Variants in PHLDB2 observed in about 807,000 individuals in gnomAD.
PHLDB2 encodes pleckstrin homology like domain family B member 2.
A neutral mutation model predicts 123.6 loss-of-function variants in PHLDB2; 71 were observed. That is an observed-to-expected ratio of 0.57 (90% CI 0.47 to 0.70). The LOEUF (loss-of-function observed/expected upper bound fraction) is 0.70. Among genes scored for constraint, PHLDB2 ranks in the 30% least tolerant of loss-of-function variants. The probability of loss-of-function intolerance (pLI) is 0.00; values close to 1 mark genes in which losing one functional copy is unlikely to be tolerated. For synonymous variants in PHLDB2, 547 were observed against 541.6 expected, an observed-to-expected ratio of 1.01 and a Z score of -0.14; for missense variants, 1,446 against 1,519.5, an observed-to-expected ratio of 0.95 and a Z score of 0.80.
chr3:111,961,737 TTGTCACTAGGAGGCA>T (rs2071424115), intron 12 of PHLDB2, among the ~76,000 whole-genome samples: 1 of 152,216 alleles, frequency 6.6e-6, no homozygotes, highest in Admixed American at 6.5e-5. Context: ...CTGGTTTTGC[TTGTCACTAGGAGGCA>T]TCTTATTTTC....
chr3:111,846,006 T>G, intron 2 of PHLDB2: 2 of 1,475,150 alleles, frequency 1.4e-6, no homozygotes, highest in East Asian at 2.3e-5. Flanking sequence ...ATATTGGGAA[T>G]GAGCTGGCAT....
intron 2 of PHLDB2, among the ~76,000 whole-genome samples, chr3:111,900,459 T>C (rs1011108870): frequency 6.6e-6 from 1 of 152,172 alleles, no homozygotes; most frequent in Non-Finnish European, 1.5e-5. Context: ...ATTTCAATAT[T>C]GTGTCTTAGG....
In PHLDB2 at chr3:111,920,276, C is replaced by T; in HGVS notation, c.1864-6C>T. 3.1e-6 allele frequency: 5 copies of T among 1,612,418 alleles called. No homozygotes were observed. The highest frequency in any genetic ancestry group is 2.2e-5 in the East Asian group (1 of 44,848). ...AACACTTCTGAGCTTTGGTTTGTGTCCTTAGTTGGATATGGAATGTGCTCT... is the reference window on the plus strand; with the variant it reads ...AACACTTCTGAGCTTTGGTTTGTGTTCTTAGTTGGATATGGAATGTGCTCT... On this transcript the variant is annotated splice_polypyrimidine_tract_variant and splice_region_variant and intron_variant, in intron 4 of 17. Transcript: ENST00000431670.
intron 1 of PHLDB2, chr3:111,859,899 C>CA: frequency 1.0e-6 from 1 of 985,500 alleles, no homozygotes; most frequent in Non-Finnish European, 1.2e-6. Context: ...TCCGGGGACA[C>CA]AGAGTTTCTT....
rs140221455 is a variant in PHLDB2, at chr3:111,752,219, A to ACTGTGTGTGTGT, written c.-49+19516_-49+19517insCTGTGTGTGTGT. ...TTTCTCTAGTCAGTGGAAGTTTCTA[A>ACTGTGTGTGTGT]GTGTGTGTGTGTGTGTGTGTGTCTG... is the stretch of plus-strand genomic sequence containing the variant. On this transcript the variant is annotated intron_variant, in intron 1 of 17. Coordinates refer to the PHLDB2 transcript ENST00000393923. Among the ~76,000 whole-genome samples, 3 of 146,982 alleles carry ACTGTGTGTGTGT rather than the reference A, an allele frequency of 2.0e-5. No homozygotes were observed. The East Asian group carries it at 6.0e-4, about 29-fold the overall frequency.
At chr3:111,844,654 T>C (rs1418090578) in intron 1 of PHLDB2, among the ~76,000 whole-genome samples, 2 of 152,254 alleles carry the variant, frequency 1.3e-5, no homozygotes, top group Non-Finnish European at 2.9e-5. Flanking sequence ...TTAAGGTTCA[T>C]TCTCCTTAAT....
intron 1 of PHLDB2, among the ~76,000 whole-genome samples, chr3:111,882,664 G>A (rs1480173249): frequency 1.3e-5 from 2 of 152,188 alleles, no homozygotes; most frequent in Admixed American, 6.5e-5. Context: ...TGGACAGTTG[G>A]GTACCTGGCC....
intron 2 of PHLDB2, among the ~76,000 whole-genome samples, chr3:111,904,277 C>CCAAAAAAAAA (rs538555039): frequency 4.6e-5 from 4 of 86,750 alleles, no homozygotes; most frequent in African/African-American, 1.6e-4. Context: ...GACCCTGTCT[C>CCAAAAAAAAA]AAAAAAAAAA....
chr3:111,822,385 T>C (rs1423732642), intron 1 of PHLDB2, among the ~76,000 whole-genome samples: 1 of 151,870 alleles, frequency 6.6e-6, no homozygotes. Context: ...ACTGTTTTCC[T>C]TGTGAAAATG....
chr3:111,827,395 G>T (rs1234511096), intron 1 of PHLDB2, among the ~76,000 whole-genome samples: 1 of 152,214 alleles, frequency 6.6e-6, no homozygotes, highest in Non-Finnish European at 1.5e-5. Context: ...GAAAGACCAG[G>T]CCGGGCGCGG....
intron 5 of PHLDB2, among the ~76,000 whole-genome samples, chr3:111,926,782 T>G (rs550678022): frequency 6.6e-6 from 1 of 152,146 alleles, no homozygotes; most frequent in South Asian, 2.1e-4. Flanking sequence ...ATCTGAAAAG[T>G]TTCATGGGGA....
chr3:111,909,904 G>A (rs1188725714), intron 2 of PHLDB2, among the ~76,000 whole-genome samples: 4 of 152,152 alleles, frequency 2.6e-5, no homozygotes, highest in African/African-American at 9.7e-5. Context: ...TTACACCTGT[G>A]CTTAAGTGTC....
chr3:111,926,355 TC>T (rs1258268126), intron 5 of PHLDB2, among the ~76,000 whole-genome samples: 2 of 152,216 alleles, frequency 1.3e-5, no homozygotes, highest in Non-Finnish European at 2.9e-5. Flanking sequence ...CCAGAATTCT[TC>T]AGCAAAGTGT....
rs373679896 is a variant in PHLDB2, at chr3:111,871,493, C to CAA, written c.-15+11928_-15+11929dup. ...CAAAAACCTGTTTCTACAAAAAGTA[C>CAA]AAAAAAAAAAAATAGCCAGGTGTGG... On this transcript the variant is annotated intron_variant, in intron 1 of 17. Coordinates refer to ENST00000431670, the MANE Select transcript of PHLDB2 (RefSeq NM_001134438.2). Among the ~76,000 whole-genome samples, 69 of 140,860 alleles carry CAA rather than the reference C, an allele frequency of 4.9e-4. 1 individual carries two copies. Among genetic ancestry groups the CAA allele is most frequent in the Admixed American group, 1.8e-3 (25 of 14,140 alleles). 92.4% of individuals were successfully genotyped at this position (140,860 alleles called of 152,430 possible). A position where few individuals can be genotyped will look rare whatever the true frequency, so the allele number is the denominator to read the frequency against.
At chr3:111,889,287 A>G (rs958865201) in intron 2 of PHLDB2, among the ~76,000 whole-genome samples, 23 of 152,352 alleles carry the variant, frequency 1.5e-4, no homozygotes, top group African/African-American at 5.5e-4. Flanking sequence ...TGTTTTTAAA[A>G]TGTATTTTTT....
intron 2 of PHLDB2, among the ~76,000 whole-genome samples, chr3:111,849,945 T>C (rs918953456): frequency 7.9e-5 from 12 of 151,548 alleles, no homozygotes; most frequent in Non-Finnish European, 1.5e-4. Context: ...CACTGCAAGC[T>C]CCGCCTCCCG....
intron 2 of PHLDB2, among the ~76,000 whole-genome samples, chr3:111,886,850 T>C (rs533550351): frequency 3.3e-5 from 5 of 152,350 alleles, no homozygotes; most frequent in African/African-American, 1.2e-4. Context: ...TGTTTGGGCT[T>C]GCTTCATTGA....
At chr3:111,914,029 TC>T in intron 3 of PHLDB2, 2 of 298,968 alleles carry the variant, frequency 6.7e-6, no homozygotes, top group Non-Finnish European at 1.2e-5. Flanking sequence ...CCTAATATTT[TC>T]TGTGTATATA....
chr3:111,914,503 T>C (rs935696989), intron 3 of PHLDB2: 4 of 152,202 alleles, frequency 2.6e-5, no homozygotes, highest in Admixed American at 2.6e-4. Context: ...ATTTTTCAAT[T>C]AGCCAAATTG....
Sources: allele counts gnomAD v4.1 joint callset (sites outside exome capture counted in the v4.1 genomes callset), GRCh38; gene constraint gnomAD v4.1.1; transcripts MANE v1.5; gene names NCBI Gene and HGNC (gene_info 2026-07-23, HGNC 2026-07-21).